Variants in CLASP2 observed in about 807,000 individuals in gnomAD.
CLASP2 encodes the protein cytoplasmic linker associated protein 2, also known as CLIP-associating protein 2.
A neutral mutation model predicts 194.4 loss-of-function variants in CLASP2; 47 were observed. That is an observed-to-expected ratio of 0.24 (90% CI 0.19 to 0.31). The LOEUF (loss-of-function observed/expected upper bound fraction) is 0.31, where lower values mean the gene tolerates loss of function less well. CLASP2 is among the 10% of genes least tolerant of loss of function. CLASP2 has a pLI of 1.00. For synonymous variants in CLASP2, 619 were observed against 633.5 expected (o/e 0.98, Z 0.34); for missense variants, 1,445 against 1,823.6 (o/e 0.79, Z 3.78).
rs34773367 is a variant in CLASP2, at chr3:33,516,671, A to AAAATAAAT, written c.3981+302_3981+309dup. ...TTGAGAATGAGTGAGATTATTCCTC[A>AAAATAAAT]AAATAAATAAATAAATAAATAAATA... On this transcript the variant is annotated intron_variant, in intron 35 of 38. Coordinates refer to ENST00000682230, the MANE Select transcript of CLASP2 (RefSeq NM_001365631.1). Among the ~76,000 whole-genome samples the AAAATAAAT allele has an allele frequency of 9.2e-4, 140 of 151,538 alleles. 1 individual carries two copies. The Middle Eastern group carries it at 0.01, about 11-fold the overall frequency.
intron 26 of CLASP2, among the ~76,000 whole-genome samples, chr3:33,568,814 C>G (rs2063254860): frequency 6.6e-6 from 1 of 152,026 alleles, no homozygotes; most frequent in African/African-American, 2.4e-5. Flanking sequence ...AAAAAAGTTG[C>G]TTGATTCTGA....
chr3:33,564,393 C>T (rs939918265), intron 27 of CLASP2, among the ~76,000 whole-genome samples: 4 of 152,140 alleles, frequency 2.6e-5, no homozygotes, highest in African/African-American at 9.7e-5. Flanking sequence ...CTAGCTACTT[C>T]GAATAAGCCC....
chr3:33,604,789 T>C (rs1302062476), intron 16 of CLASP2, among the ~76,000 whole-genome samples: 1 of 152,170 alleles, frequency 6.6e-6, no homozygotes, highest in Non-Finnish European at 1.5e-5. Context: ...TTCACTCTGC[T>C]CCTCAACACA....
At chr3:33,579,597 T>C (rs773012264) in intron 23 of CLASP2, among the ~76,000 whole-genome samples, 2 of 152,146 alleles carry the variant, frequency 1.3e-5, no homozygotes, top group Admixed American at 6.5e-5. Context: ...AGAGTGGTAA[T>C]AGCAGCAGCA....
chr3:33,610,599 A>C (rs1449674191), intron 13 of CLASP2, among the ~76,000 whole-genome samples: 1 of 82,900 alleles, frequency 1.2e-5, no homozygotes, highest in Admixed American at 1.8e-4. Flanking sequence ...GGGTTGGTTA[A>C]AACTGTTCTG....
intron 38 of CLASP2, among the ~76,000 whole-genome samples, chr3:33,499,943 GA>G (rs1308183697): frequency 1.3e-5 from 2 of 152,142 alleles, no homozygotes; most frequent in African/African-American, 4.8e-5. Flanking sequence ...ATCCTACCAA[GA>G]ATGTTTTAAA....
intron 29 of CLASP2, among the ~76,000 whole-genome samples, chr3:33,553,527 A>G (rs1481527665): frequency 6.6e-6 from 1 of 152,208 alleles, no homozygotes; most frequent in Non-Finnish European, 1.5e-5. Context: ...TAAACTATTT[A>G]GAAAATGGGC....
intron 20 of CLASP2, among the ~76,000 whole-genome samples, chr3:33,593,291 T>C (rs2069275111): frequency 6.6e-6 from 1 of 152,170 alleles, no homozygotes; most frequent in South Asian, 2.1e-4. Flanking sequence ...AATATATTAT[T>C]GGTGGGTACT....
rs916693986 is a variant in CLASP2 at position 33,645,015 on chromosome 3, T to G, written c.716-112A>C. On this transcript the variant is annotated intron_variant, in intron 7 of 38. Coordinates refer to ENST00000682230, the MANE Select transcript of CLASP2 (RefSeq NM_001365631.1). ...ATAAAATCATTACTTTGGTAAGATA[T>G]ATAATACGAAATAAAGGTCCTTTGA... is the stretch of plus-strand genomic sequence containing the variant. 5 of 1,142,502 alleles carry G rather than the reference T, an allele frequency of 4.4e-6. No individual in the cohort carries two copies. The African/African-American group carries it at 7.8e-5, about 18-fold the overall frequency. 70.8% of individuals were successfully genotyped at this position (1,142,502 alleles called of 1,614,324 possible). A position where few individuals can be genotyped will look rare whatever the true frequency, so the allele number is the denominator to read the frequency against.
rs116044703 is a variant in CLASP2, at chr3:33,579,160, A to G, written c.2347+2661T>C. Among the ~76,000 whole-genome samples the G allele has an allele frequency of 9.0e-3, 1,372 of 152,340 alleles. 27 individuals are homozygous for G. Among genetic ancestry groups the G allele is most frequent in the African/African-American group, 0.031 (1,291 of 41,568 alleles). On this transcript the variant is annotated intron_variant, in intron 23 of 38. Coordinates refer to ENST00000682230, the MANE Select transcript of CLASP2 (RefSeq NM_001365631.1). Reference sequence around the variant, plus strand: ...AAATAAAATGGCTATAAAAAAGCCAATTCTTCTAAAACTATGACTAAAAGG... The same window carrying G: ...AAATAAAATGGCTATAAAAAAGCCAGTTCTTCTAAAACTATGACTAAAAGG...
intron 7 of CLASP2, among the ~76,000 whole-genome samples, chr3:33,661,780 G>C (rs566143311): frequency 1.3e-5 from 2 of 152,298 alleles, no homozygotes; most frequent in South Asian, 2.1e-4. Context: ...CATTAGCAAA[G>C]AGTTATCATT....
chr3:33,646,593 A>G (rs891415756), intron 7 of CLASP2, among the ~76,000 whole-genome samples: 6 of 152,192 alleles, frequency 3.9e-5, no homozygotes, highest in Admixed American at 3.9e-4. Flanking sequence ...CAGAGCAGCC[A>G]GAAGTTCCCA....
intron 9 of CLASP2, 141 bp from the exon 10 acceptor site, chr3:33,627,221 A>G (rs1210837797): frequency 1.5e-6 from 1 of 667,822 alleles, no homozygotes; most frequent in Non-Finnish European, 2.7e-6. Flanking sequence ...ATAGAAATAC[A>G]TTATAGACAA....
At chr3:33,603,152 T>G in intron 17 of CLASP2, 27 bp from the exon 18 acceptor site, 1 of 1,515,588 alleles carries the variant, frequency 6.6e-7, no homozygotes, top group Non-Finnish European at 8.9e-7. Context: ...AAAGATAACT[T>G]ATATCATTTA....
intron 37 of CLASP2, 85 bp downstream of exon 37, chr3:33,510,473 G>A: frequency 1.6e-6 from 2 of 1,223,278 alleles, no homozygotes; most frequent in Middle Eastern, 1.9e-4. Flanking sequence ...GCTTGATCAT[G>A]CCAGTAATGA....
chr3:33,557,377 T>C (rs1367109390), intron 29 of CLASP2, among the ~76,000 whole-genome samples: 1 of 150,790 alleles, frequency 6.6e-6, no homozygotes, highest in African/African-American at 2.4e-5. Flanking sequence ...TCTCTTTCAA[T>C]GGACAGGGTC....
intron 9 of CLASP2, among the ~76,000 whole-genome samples, chr3:33,627,860 T>C (rs996257972): frequency 3.3e-5 from 5 of 152,128 alleles, no homozygotes; most frequent in African/African-American, 1.2e-4. Flanking sequence ...AGTGGACAGA[T>C]TTGCTTTCCC....
At chr3:33,623,406 T>C (rs1013490073) in intron 10 of CLASP2, among the ~76,000 whole-genome samples, 3 of 152,034 alleles carry the variant, frequency 2.0e-5, no homozygotes, top group Admixed American at 1.3e-4. Flanking sequence ...CATCTCCTCT[T>C]TATTCTCCCT....
chr3:33,714,426 T>C (rs1449287506), intron 1 of CLASP2, among the ~76,000 whole-genome samples: 1 of 152,184 alleles, frequency 6.6e-6, no homozygotes, highest in Non-Finnish European at 1.5e-5. Flanking sequence ...CAGTAAAAAC[T>C]AAACTTTTTA....
Sources: gnomAD v4.1 joint callset for allele counts (sites outside exome capture counted in the v4.1 genomes callset) on GRCh38, gnomAD v4.1.1 for gene constraint, MANE v1.5 for transcripts, NCBI Gene and HGNC (gene_info 2026-07-23, HGNC 2026-07-21) for gene names.